Variants in NOL4L observed in about 807,000 individuals in gnomAD.
NOL4L encodes the protein nucleolar protein 4 like.
In NOL4L, 7 loss-of-function variants were observed where a neutral mutation model predicts 64.5. The observed-to-expected ratio is 0.11, with a 90% CI of 0.06 to 0.20. NOL4L has a LOEUF of 0.20. NOL4L is among the 10% of genes least tolerant of loss of function. The probability of loss-of-function intolerance (pLI) is 1.00; values close to 1 mark genes in which losing one functional copy is unlikely to be tolerated. For missense variants in NOL4L, 680 were observed against 967.1 expected, an observed-to-expected ratio of 0.70 and a Z score of 3.94; for synonymous variants, 413 against 401.0, an observed-to-expected ratio of 1.03 and a Z score of -0.36.
At chr20:32,564,346 C>T (rs1979285998) in intron 1 of NOL4L, among the ~76,000 whole-genome samples, 1 of 152,188 alleles carries the variant, frequency 6.6e-6, no homozygotes, top group South Asian at 2.1e-4. Flanking sequence ...GCTTACAGAA[C>T]CTCACAGCCG....
intron 10 of NOL4L, among the ~76,000 whole-genome samples, chr20:32,448,504 C>G (rs1043452065): frequency 2.0e-5 from 3 of 152,172 alleles, no homozygotes; most frequent in African/African-American, 7.2e-5. Context: ...ACCATGGCAG[C>G]CAGTGGATGG....
At chr20:32,483,319 C>T (rs2015866820) in intron 4 of NOL4L, 2 of 972,234 alleles carry the variant, frequency 2.1e-6, no homozygotes, top group South Asian at 4.8e-5. Flanking sequence ...GGCCCGGGCC[C>T]CGGAAACGGC....
At chr20:32,485,865 T>C (rs1055910622) in intron 4 of NOL4L, 2 of 428,856 alleles carry the variant, frequency 4.7e-6, no homozygotes, top group Non-Finnish European at 4.9e-6. Context: ...ACAGCAGTGG[T>C]GGACATCTGA....
At chr20:32,472,181 T>C (rs1215486300) in intron 5 of NOL4L, among the ~76,000 whole-genome samples, 1 of 152,188 alleles carries the variant, frequency 6.6e-6, no homozygotes, top group Non-Finnish European at 1.5e-5. Flanking sequence ...ATGGTGTGCT[T>C]GGGTAGGTCT....
At chr20:32,496,718 T>G (rs1330474410) in intron 4 of NOL4L, among the ~76,000 whole-genome samples, 3 of 152,186 alleles carry the variant, frequency 2.0e-5, no homozygotes, top group Non-Finnish European at 1.5e-5. Flanking sequence ...AGCTGGCTAA[T>G]TTTTTGTATT....
intron 4 of NOL4L, chr20:32,509,649 C>T: frequency 1.3e-6 from 1 of 750,894 alleles, no homozygotes; most frequent in Non-Finnish European, 1.8e-6. Flanking sequence ...CTCGTTAAAG[C>T]ACCTAACCCA....
At chr20:32,491,072 C>T (rs138247211) in intron 4 of NOL4L, among the ~76,000 whole-genome samples, 10 of 152,306 alleles carry the variant, frequency 6.6e-5, no homozygotes, top group Non-Finnish European at 8.8e-5. Flanking sequence ...ACACACCAGG[C>T]GCCATGACAA....
chr20:32,459,106 G>A (rs986212458), intron 5 of NOL4L, among the ~76,000 whole-genome samples: 2 of 152,214 alleles, frequency 1.3e-5, no homozygotes, highest in African/African-American at 4.8e-5. Flanking sequence ...CCAGGGAAGT[G>A]GTTGGGCGGG....
intron 3 of NOL4L, among the ~76,000 whole-genome samples, chr20:32,515,942 C>T (rs1015471106): frequency 2.6e-5 from 4 of 152,284 alleles, no homozygotes; most frequent in South Asian, 2.1e-4. Context: ...TATGCAGTCT[C>T]GAGAATAATC....
intron 1 of NOL4L, chr20:32,535,810 G>A (rs1275875039): frequency 2.0e-6 from 2 of 985,404 alleles, no homozygotes; most frequent in African/African-American, 1.7e-5. Flanking sequence ...GTGCCCCCCA[G>A]TTAGAAGGAG....
At chr20:32,495,935 A>C (rs1193339064) in intron 4 of NOL4L, among the ~76,000 whole-genome samples, 1 of 152,070 alleles carries the variant, frequency 6.6e-6, no homozygotes, top group Non-Finnish European at 1.5e-5. Flanking sequence ...CCAATAAAAG[A>C]AGTTAGATGA....
chr20:32,495,614 GCCACAGATGTCTGAC>G (rs2016657448), intron 4 of NOL4L, among the ~76,000 whole-genome samples: 1 of 152,152 alleles, frequency 6.6e-6, no homozygotes, highest in Admixed American at 6.5e-5. Flanking sequence ...AAATTTGAAA[GCCACAGATGTCTGAC>G]CCAAACCTGC....
At chr20:32,518,125 G>A (rs546628575) in intron 3 of NOL4L, among the ~76,000 whole-genome samples, 5 of 152,168 alleles carry the variant, frequency 3.3e-5, no homozygotes, top group Admixed American at 1.3e-4. Context: ...CCACTTCCCC[G>A]GGCTCCTGCT....
At chr20:32,480,564 CCTTCCAGGCCCTGGACATT>C (rs2015653403) in intron 4 of NOL4L, among the ~76,000 whole-genome samples, 1 of 152,156 alleles carries the variant, frequency 6.6e-6, no homozygotes, top group Non-Finnish European at 1.5e-5. Context: ...CCTGTAGGCC[CCTTCCAGGCCCTGGACATT>C]CTTCCACACG....
At chr20:32,485,831 T>A in intron 4 of NOL4L, 3 of 461,122 alleles carry the variant, frequency 6.5e-6, no homozygotes, top group South Asian at 4.8e-5. Flanking sequence ...ACCTTTGACT[T>A]CTCCTGGCCT....
At chr20:32,471,239 T>G (rs557134343) in intron 5 of NOL4L, among the ~76,000 whole-genome samples, 2 of 146,218 alleles carry the variant, frequency 1.4e-5, no homozygotes, top group South Asian at 2.2e-4. Context: ...CTCACCCCGG[T>G]AGAGGCTCAG....
In NOL4L at chr20:32,463,152, G is replaced by A. The variant is rs6058708; in HGVS notation, c.842-6757C>T. 0.048 allele frequency among the ~76,000 whole-genome samples: 7,318 copies of A among 152,162 alleles called. 593 individuals are homozygous for A. Among genetic ancestry groups the A allele is most frequent in the African/African-American group, 0.17 (6,915 of 41,488 alleles). On this transcript the variant is annotated intron_variant, in intron 5 of 10. Coordinates refer to ENST00000621426, the MANE Select transcript of NOL4L (RefSeq NM_001256798.2). This position sits in a 1 kb window ranked among gnomAD's most constrained non-coding sequence, Gnocchi z 5.8. ...AAACCCAGCTGGCTCCATGGGCACC[G>A]AAGCCCCAGCACACAGGCCTCACGG...
chr20:32,452,453 G>C lies in NOL4L; in HGVS notation c.1621-16C>G, dbSNP rs1365497915. On this transcript the variant is annotated splice_polypyrimidine_tract_variant and intron_variant, in intron 9 of 10. Coordinates refer to ENST00000621426, the MANE Select transcript of NOL4L (RefSeq NM_001256798.2). ...TGGGCTCATCCTGCAGAGGGGAGAG[G>C]GGGGCGCTGGGGAAACCAAGGGGCA... 6.5e-7 allele frequency: 1 copy of C among 1,544,146 alleles called. No homozygotes were observed. The highest frequency in any genetic ancestry group is 8.7e-7 in the Non-Finnish European group (1 of 1,144,794).
intron 1 of NOL4L, among the ~76,000 whole-genome samples, chr20:32,549,707 C>T (rs570409600): frequency 1.3e-5 from 2 of 152,134 alleles, no homozygotes; most frequent in Non-Finnish European, 2.9e-5. Flanking sequence ...GAGCCGAGAT[C>T]GCGCCATTGC....
Sources: gnomAD v4.1 joint callset for allele counts (sites outside exome capture counted in the v4.1 genomes callset) on GRCh38, gnomAD v4.1.1 for gene constraint, Gnocchi (gnomAD v3.1) non-coding constraint, MANE v1.5 for transcripts, NCBI Gene and HGNC (gene_info 2026-07-23, HGNC 2026-07-21) for gene names.